Variants in ARMCX4 observed in about 807,000 individuals in gnomAD.
ARMCX4 encodes armadillo repeat containing X-linked 4, also known as armadillo repeat-containing X-linked protein 4.
Under a neutral mutation model 34.7 loss-of-function variants are expected in ARMCX4, and 3 were observed. The ratio of observed to expected loss-of-function variants is 0.09; its 90% CI spans 0.04 to 0.22. ARMCX4 has a LOEUF of 0.22. ARMCX4 is among the 10% of genes least tolerant of loss of function. The pLI, the probability that ARMCX4 is intolerant of heterozygous loss-of-function variation, is 1.00. For missense variants in ARMCX4, 1,448 were observed against 1,720.8 expected, an observed-to-expected ratio of 0.84 and a Z score of 2.81; for synonymous variants, 513 against 632.8, an observed-to-expected ratio of 0.81 and a Z score of 2.84.
At chrX:101,461,527 G>A (rs1290103787) in intron 4 of ARMCX4, among the ~76,000 whole-genome samples, 1 of 112,075 alleles carries the variant, frequency 8.9e-6, no homozygotes, top group Non-Finnish European at 1.9e-5. Flanking sequence ...GCATGGGTGT[G>A]CAAATATATG....
intron 11 of ARMCX4, among the ~76,000 whole-genome samples, chrX:101,519,237 A>G (rs1472085182): frequency 1.8e-5 from 2 of 111,536 alleles, no homozygotes; most frequent in Admixed American, 9.6e-5. Context: ...TCTGTTAACT[A>G]TAAGTACAAT....
At chrX:101,433,333 T>C (rs183376914) in intron 2 of ARMCX4, among the ~76,000 whole-genome samples, 13 of 101,287 alleles carry the variant, frequency 1.3e-4, no homozygotes, top group African/African-American at 3.9e-4. Context: ...CATATAAACA[T>C]ATGTACATAT....
At chrX:101,446,664 G>A (rs1555998110), downstream of ARMCX4, among the ~76,000 whole-genome samples, 1 of 110,701 alleles carries the variant, frequency 9.0e-6, no homozygotes, top group African/African-American at 3.3e-5. Context: ...GCAATTAAGA[G>A]GTTGGCTGAG....
intron 11 of ARMCX4, among the ~76,000 whole-genome samples, chrX:101,526,799 G>A (rs1934985787): frequency 8.9e-6 from 1 of 111,806 alleles, no homozygotes; most frequent in African/African-American, 3.3e-5. Context: ...AAATATATAT[G>A]CACCCAATAC....
chrX:101,455,166 A>G (rs1043155630), intron 4 of ARMCX4, among the ~76,000 whole-genome samples: 1 of 112,027 alleles, frequency 8.9e-6, no homozygotes, highest in Non-Finnish European at 1.9e-5. Flanking sequence ...GATTCCAGGT[A>G]GAAGGATGGC....
Position 101,493,264 on chromosome X carries a change from T to A in ARMCX4, c.4675T>A (p.Trp1559Arg). The change falls in exon 6 of 6, where the codon TGG becomes AGG. Residue 1559 changes from tryptophan to arginine, a missense_variant. Transcript: ENST00000423738. ...SPGSQVSGSCWTGAGAVDQAG... is the reference protein window; with the variant it reads ...SPGSQVSGSCRTGAGAVDQAG... ...TGGGAGTCAGGTCAGTGGAAGCTGC[T>A]GGACTGGGGCTGGGGCTGTGGATCA... 8.7e-7 allele frequency: 1 copy of A among 1,155,106 alleles called. No individual in the cohort carries two copies. The highest frequency in any genetic ancestry group is 1.1e-6 in the Non-Finnish European group (1 of 872,583).
chrX:101,529,065 G>C (rs995430249), intron 11 of ARMCX4, among the ~76,000 whole-genome samples: 3 of 111,170 alleles, frequency 2.7e-5, no homozygotes, highest in Admixed American at 9.6e-5. Context: ...GAGGTATCAC[G>C]CTACCTGACT....
Position 101,493,322 on chromosome X carries a change from A to G in ARMCX4, c.4733A>G (p.Asp1578Gly). 1 of 1,154,781 alleles carries G rather than the reference A, an allele frequency of 8.7e-7. No homozygotes were observed. The highest frequency in any genetic ancestry group is 1.1e-6 in the Non-Finnish European group (1 of 872,550). The change falls in exon 6 of 6, where the codon GAT becomes GGT. Residue 1578 changes from aspartate to glycine, a missense_variant. Coordinates refer to ENST00000423738, the MANE Select transcript of ARMCX4 (RefSeq NM_001256155.3). ...GGTTGTTCCAAACCTGGATTTGAGGATCAGGCCATTGGAGGGGGGTTCTGG... is the reference window on the plus strand; with the variant it reads ...GGTTGTTCCAAACCTGGATTTGAGGGTCAGGCCATTGGAGGGGGGTTCTGG... The part of the protein sequence containing the change: ...AGGCSKPGFE[D>G]QAIGGGFWPG...
intron 2 of ARMCX4, among the ~76,000 whole-genome samples, chrX:101,427,946 G>C (rs1929733828): frequency 8.9e-6 from 1 of 111,932 alleles, no homozygotes; most frequent in East Asian, 2.8e-4. Context: ...TGCCACATTA[G>C]GGATCAAATT....
At chrX:101,498,136 C>T (rs1556012465), downstream of ARMCX4, 2 of 330,218 alleles carry the variant, frequency 6.1e-6, no homozygotes, top group Admixed American at 6.2e-5. Flanking sequence ...CTTCTTTTCC[C>T]TTCCACAGGT....
chrX:101,494,755 C>G lies in ARMCX4; in HGVS notation c.6166C>G (p.Pro2056Ala). Reference sequence around the variant, plus strand: ...TTGCATGATTGAGATGACTGAAGATCCTTCTGTTCATGAAATAGCCAATAA... The same window carrying G: ...TTGCATGATTGAGATGACTGAAGATGCTTCTGTTCATGAAATAGCCAATAA... ...LICMIEMTED[P>A]SVHEIANNAL... The change falls in exon 6 of 6, where the codon CCT becomes GCT. Residue 2056 changes from proline to alanine, a missense_variant. Coordinates refer to ENST00000423738, the MANE Select transcript of ARMCX4 (RefSeq NM_001256155.3). The G allele has an allele frequency of 3.5e-6, 4 of 1,153,580 alleles. No individual in the cohort carries two copies. Among genetic ancestry groups the G allele is most frequent in the Non-Finnish European group, 3.4e-6 (3 of 870,863 alleles).
chrX:101,474,921 A>G (rs1316087732), intron 4 of ARMCX4, among the ~76,000 whole-genome samples: 1 of 100,179 alleles, frequency 1.0e-5, no homozygotes, highest in Non-Finnish European at 2.0e-5. Context: ...GCCCTCTCTC[A>G]CCACTCCTAT....
intron 11 of ARMCX4, among the ~76,000 whole-genome samples, chrX:101,529,016 G>A (rs782552174): frequency 1.2e-4 from 13 of 111,303 alleles, no homozygotes; most frequent in East Asian, 2.8e-4. Context: ...AAAAGAGCCC[G>A]TATTGCCAAG....
At chrX:101,425,785 G>A (rs1555990886) in intron 2 of ARMCX4, among the ~76,000 whole-genome samples, 1 of 111,066 alleles carries the variant, frequency 9.0e-6, no homozygotes, top group Non-Finnish European at 1.9e-5. Context: ...AGAAGCAGGA[G>A]CGAGACTACG....
downstream of ARMCX4, among the ~76,000 whole-genome samples, chrX:101,534,222 A>G (rs1234851595): frequency 8.9e-6 from 1 of 111,814 alleles, no homozygotes; most frequent in Admixed American, 9.5e-5. Context: ...AAATTTAGAA[A>G]CTGCTGAGAA....
chrX:101,524,932 T>A (rs1156446093), intron 11 of ARMCX4, among the ~76,000 whole-genome samples: 5 of 111,795 alleles, frequency 4.5e-5, no homozygotes, highest in African/African-American at 1.6e-4. Context: ...CTGACAGTTT[T>A]GAAGTGTGCC....
At position 101,434,258 on chromosome X, in the gene ARMCX4, T is replaced by C. The variant is rs189574500; in HGVS notation, n.165-9794T>C. Among the ~76,000 whole-genome samples, 22 of 105,931 alleles carry C rather than the reference T, an allele frequency of 2.1e-4. No individual in the cohort carries two copies. The Middle Eastern group carries it at 0.014, about 69-fold the overall frequency. 92.0% of individuals were successfully genotyped at this position (105,931 alleles called of 115,157 possible). ...AATGTGCCTGGTTAGAGTATTCTTT[T>C]TTTTTTTTTTTTTGATATGGATCCT... On this transcript the variant is annotated intron_variant and non_coding_transcript_variant, in intron 2 of 3. Transcript: ENST00000430461.
intron 7 of ARMCX4, among the ~76,000 whole-genome samples, chrX:101,504,635 T>C (rs1241068348): frequency 9.0e-6 from 1 of 111,137 alleles, no homozygotes; most frequent in African/African-American, 3.3e-5. Context: ...GGTCTGACTC[T>C]GGCCCCGGGT....
In ARMCX4 at chrX:101,489,359, C is replaced by T. The variant is rs782390631; in HGVS notation, c.770C>T (p.Thr257Ile). The T allele has an allele frequency of 3.5e-6, 4 of 1,152,519 alleles. No individual in the cohort carries two copies. The Admixed American group carries it at 1.0e-4, about 30-fold the overall frequency. The allele number at this position is 1,152,519 out of a possible 1,213,427, so 95.0% of individuals were successfully genotyped here. ...CAGTCTGAGGCCAGGCCTGGTGCCA[C>T]AGTTGATGCTAGGGGAAATCCCAAT... Reference protein sequence around the residue: ...KTQSEARPGATVDARGNPNGM... With the variant: ...KTQSEARPGAIVDARGNPNGM... The change falls in exon 6 of 6, where the codon ACA becomes ATA. Residue 257 changes from threonine to isoleucine, a missense_variant. By Grantham distance (89) the Thr-to-Ile change is moderately conservative. This residue lies in a region of ARMCX4 where 1,343 missense variants were observed against 1,540.7 expected (regional missense o/e 0.87). Transcript: ENST00000423738.
Sources: allele counts gnomAD v4.1 joint callset (sites outside exome capture counted in the v4.1 genomes callset), GRCh38; gene constraint gnomAD v4.1.1; regional missense constraint gnomAD v4.1.1; transcripts MANE v1.5; gene names NCBI Gene and HGNC (gene_info 2026-07-23, HGNC 2026-07-21).